SAMM50: variants seen among roughly 807,000 people sequenced by gnomAD.
SAMM50 encodes the protein sorting and assembly machinery component 50 homolog.
In SAMM50, 47 loss-of-function variants were observed where a neutral mutation model predicts 66.9. The observed-to-expected ratio is 0.70, with a 90% CI of 0.56 to 0.90. The LOEUF is 0.90. Ranked by LOEUF, SAMM50 falls within the 40% of genes least tolerant of loss-of-function variation. The pLI is 0.00. For synonymous variants in SAMM50, 191 were observed against 214.1 expected (o/e 0.89, Z 0.94); for missense variants, 535 against 595.3 (o/e 0.90, Z 1.05).
chr22:43,992,316 C>T (rs186602947), intron 14 of SAMM50, among the ~76,000 whole-genome samples: 2 of 152,356 alleles, frequency 1.3e-5, no homozygotes, highest in Non-Finnish European at 2.9e-5. Context: ...ATTGCTTCAG[C>T]GGAATCTGCT....
Position 43,989,153 on chromosome 22 carries a change from A to T in SAMM50, c.1118A>T (p.His373Leu). The T allele has an allele frequency of 6.2e-7, 1 of 1,614,104 alleles. No individual in the cohort carries two copies. Among genetic ancestry groups the T allele is most frequent in the Non-Finnish European group, 8.5e-7 (1 of 1,180,020 alleles). ...GGEAYWAGGLHLYTPLPFRPG... is the reference protein window; with the variant it reads ...GGEAYWAGGLLLYTPLPFRPG... The stretch of plus-strand genomic sequence containing the variant: ...GAAGCGTACTGGGCCGGCGGCCTGC[A>T]CCTCTACACCCCATTACCTTTCCGG... Residue 373 changes from histidine to leucine, a missense_variant, in exon 13 of 15, where the codon CAC becomes CTC. His to Leu is a moderately conservative substitution (Grantham distance 99, BLOSUM62 -3). Transcript: ENST00000350028.
chr22:43,963,649 A>C (rs1176365635), intron 2 of SAMM50, among the ~76,000 whole-genome samples: 3 of 152,196 alleles, frequency 2.0e-5, no homozygotes, highest in African/African-American at 7.2e-5. Context: ...AAAAACCAAA[A>C]ATATATCAAG....
At chr22:43,968,661 T>A in intron 3 of SAMM50, 70 bp from the exon 4 acceptor site, 1 of 1,070,272 alleles carries the variant, frequency 9.3e-7, no homozygotes, top group Non-Finnish European at 1.5e-6. Flanking sequence ...AGCCTCGCCG[T>A]GTGGCTGCCA....
chr22:43,975,906 T>C, intron 7 of SAMM50, 149 bp from the exon 8 acceptor site: 1 of 779,664 alleles, frequency 1.3e-6, no homozygotes, highest in Non-Finnish European at 2.0e-6. Flanking sequence ...CTTCCCCTTC[T>C]TCTCTTCTTC....
intron 10 of SAMM50, among the ~76,000 whole-genome samples, chr22:43,980,010 G>A (rs1358703962): frequency 3.4e-5 from 5 of 145,218 alleles, no homozygotes; most frequent in South Asian, 4.5e-4. Context: ...CACTGTGCCC[G>A]TAGCTCCTGT....
At chr22:43,985,125 C>T (rs940986585) in intron 12 of SAMM50, among the ~76,000 whole-genome samples, 6 of 151,672 alleles carry the variant, frequency 4.0e-5, no homozygotes, top group Non-Finnish European at 5.9e-5. Flanking sequence ...ACAGTGTTCC[C>T]GTATAACCCC....
At chr22:43,973,192 A>T (rs776111889) in intron 6 of SAMM50, 44 bp from the exon 7 acceptor site, 2 of 1,377,272 alleles carry the variant, frequency 1.5e-6, no homozygotes, top group African/African-American at 1.4e-5. Flanking sequence ...TGCAAGTTCT[A>T]ATCACTGTTT....
intron 1 of SAMM50, among the ~76,000 whole-genome samples, chr22:43,959,576 C>T (rs1485009630): frequency 1.4e-5 from 2 of 147,902 alleles, no homozygotes; most frequent in African/African-American, 5.1e-5. Context: ...ACTATGTTGC[C>T]CAGGCTGGTC....
In SAMM50 at chr22:43,976,086, A is replaced by C. The variant is rs35189432; in HGVS notation, c.680A>C (p.Lys227Thr). The change falls in exon 8 of 15, where the codon AAG (lysine) becomes ACG (threonine). Residue 227 changes from lysine (K) to threonine (T), a missense_variant. By Grantham distance (78) the Lys-to-Thr change is moderately conservative. Coordinates refer to ENST00000350028, the MANE Select transcript of SAMM50 (RefSeq NM_015380.5). ...FPIWKTSHTV[K>T]WEGVWRELGC... Reference sequence around the variant, plus strand: ...ATATGGAAGACCAGCCACACTGTCAAGTGGGAAGGCGTATGGCGAGAACTG... The same window carrying C: ...ATATGGAAGACCAGCCACACTGTCACGTGGGAAGGCGTATGGCGAGAACTG... The C allele has an allele frequency of 3.5e-5, 57 of 1,612,322 alleles. No individual in the cohort carries two copies. Among genetic ancestry groups the C allele is most frequent in the Non-Finnish European group, 5.1e-6 (6 of 1,178,548 alleles).
At chr22:43,979,420 C>T (rs913581424) in intron 10 of SAMM50, among the ~76,000 whole-genome samples, 27 of 152,220 alleles carry the variant, frequency 1.8e-4, no homozygotes, top group Non-Finnish European at 1.0e-4. Flanking sequence ...ACAGTGCACC[C>T]GGCTGCCCTT....
intron 3 of SAMM50, among the ~76,000 whole-genome samples, chr22:43,968,460 G>A (rs761063402): frequency 6.6e-6 from 1 of 152,170 alleles, no homozygotes; most frequent in Non-Finnish European, 1.5e-5. Flanking sequence ...TTAGGTTTGT[G>A]TATCTGCGTT....
Position 43,972,252 on chromosome 22 carries a change from A to T in SAMM50, c.339A>T (p.Pro113=). The T allele has an allele frequency of 6.3e-7, 1 of 1,585,186 alleles. No individual in the cohort carries two copies. The highest frequency in any genetic ancestry group is 8.6e-7 in the Non-Finnish European group (1 of 1,169,522). Residue 113 remains proline, a synonymous_variant, in exon 5 of 15, where the codon CCA becomes CCT. Coordinates refer to ENST00000350028, the MANE Select transcript of SAMM50 (RefSeq NM_015380.5). ...TTTATTTAGGTGATGACGCACTTCC[A>T]AATGGGTTAGACGTTACCTTTGAAG... ...IDTCQGDDAL[P]NGLDVTFEVT...
Position 43,989,166 on chromosome 22 carries a change from A to G in SAMM50, c.1131A>G (p.Pro377=). 1 of 1,614,114 alleles carries G rather than the reference A, an allele frequency of 6.2e-7. No individual in the cohort carries two copies. Among genetic ancestry groups the G allele is most frequent in the Non-Finnish European group, 8.5e-7 (1 of 1,180,008 alleles). The change falls in exon 13 of 15, where the codon CCA becomes CCG. Residue 377 remains proline (P), a synonymous_variant. Coordinates refer to ENST00000350028, the MANE Select transcript of SAMM50 (RefSeq NM_015380.5). The part of the protein sequence containing the change: ...YWAGGLHLYT[P]LPFRPGQGGF... ...CCGGCGGCCTGCACCTCTACACCCC[A>G]TTACCTTTCCGGCCAGGCCAGGGTG...
At chr22:43,962,059 A>G (rs2050149715) in intron 1 of SAMM50, among the ~76,000 whole-genome samples, 1 of 152,280 alleles carries the variant, frequency 6.6e-6, no homozygotes, top group South Asian at 2.1e-4. Context: ...CTATAACCCA[A>G]TAAACTCATC....
chr22:43,967,014 G>A (rs1252467468), intron 3 of SAMM50, among the ~76,000 whole-genome samples: 1 of 152,280 alleles, frequency 6.6e-6, no homozygotes, highest in African/African-American at 2.4e-5. Flanking sequence ...TCTTGCGCTT[G>A]CCTCTTCCCT....
intron 3 of SAMM50, among the ~76,000 whole-genome samples, chr22:43,968,434 C>A (rs890878469): frequency 1.3e-5 from 2 of 152,094 alleles, no homozygotes; most frequent in African/African-American, 4.8e-5. Flanking sequence ...TCCAGCACAA[C>A]GTTCTAGACT....
chr22:43,970,995 T>A (rs1156983330), intron 4 of SAMM50, among the ~76,000 whole-genome samples: 1 of 152,068 alleles, frequency 6.6e-6, no homozygotes, highest in Non-Finnish European at 1.5e-5. Flanking sequence ...TGAAACCCCG[T>A]CTCTACTAAA....
chr22:43,970,700 C>G (rs1603419018), intron 4 of SAMM50, among the ~76,000 whole-genome samples: 1 of 151,780 alleles, frequency 6.6e-6, no homozygotes, highest in Non-Finnish European at 1.5e-5. Context: ...ACTCTTTGTA[C>G]TTTTGTAGTT....
At chr22:43,982,800 T>A (rs2050271621) in intron 11 of SAMM50, among the ~76,000 whole-genome samples, 1 of 152,174 alleles carries the variant, frequency 6.6e-6, no homozygotes, top group Non-Finnish European at 1.5e-5. Flanking sequence ...CACGCCCAGC[T>A]AATTTTTGTA....
Sources: gnomAD v4.1 joint callset for allele counts (sites outside exome capture counted in the v4.1 genomes callset) on GRCh38, gnomAD v4.1.1 for gene constraint, MANE v1.5 for transcripts, NCBI Gene and HGNC (gene_info 2026-07-23, HGNC 2026-07-21) for gene names.